CDCA7L: variants seen among roughly 807,000 people sequenced by gnomAD.
CDCA7L encodes the protein cell division cycle associated 7 like.
In CDCA7L, 44 loss-of-function variants were observed where a neutral mutation model predicts 57.4. The observed-to-expected ratio is 0.77, with a 90% CI of 0.60 to 0.98. The LOEUF (loss-of-function observed/expected upper bound fraction) is 0.98, where lower values mean the gene tolerates loss of function less well. Ranked by LOEUF, CDCA7L falls within the 50% of genes least tolerant of loss-of-function variation. The pLI is 0.00. For missense variants in CDCA7L, 644 were observed against 580.6 expected (o/e 1.11, Z -1.12); for synonymous variants, 236 against 202.8 (o/e 1.16, Z -1.39).
At chr7:21,930,175 G>A (rs911383642) in intron 1 of CDCA7L, among the ~76,000 whole-genome samples, 45 of 152,202 alleles carry the variant, frequency 3.0e-4, no homozygotes, top group African/African-American at 4.8e-4. Flanking sequence ...ACTCAAAACC[G>A]CACAACTACA....
At position 21,900,963 on chromosome 7, in the gene CDCA7L, T is replaced by C. The variant is rs774696996; in HGVS notation, c.*1359A>G. On this transcript the variant is annotated 3_prime_UTR_variant, in exon 10 of 10. Coordinates refer to ENST00000406877, the MANE Select transcript of CDCA7L (RefSeq NM_018719.5). ...CAACTTACTTGATCATTATCATTAG[T>C]AGCAAGCTGCCACACAATTGCAACC... 1 of 1,523,618 alleles carries C rather than the reference T, an allele frequency of 6.6e-7. No homozygotes were observed. The highest frequency in any genetic ancestry group is 2.2e-5 in the Admixed American group (1 of 46,388). 94.4% of individuals were successfully genotyped at this position (1,523,618 alleles called of 1,614,324 possible).
Position 21,903,222 on chromosome 7 carries a change from C to G in CDCA7L, c.1198-108G>C, listed in dbSNP as rs940117939. ...GCTGGCCTCTCCTCCAACCTTTAAT[C>G]ACATGGCATCTTTCAGTCTACGTCC... On this transcript the variant is annotated intron_variant, in intron 8 of 9. Transcript: ENST00000406877. The G allele has an allele frequency of 3.8e-6, 4 of 1,041,760 alleles. No homozygotes were observed. The African/African-American group carries it at 6.4e-5, about 17-fold the overall frequency. 64.5% of individuals were successfully genotyped at this position (1,041,760 alleles called of 1,614,324 possible).
intron 9 of CDCA7L, 143 bp from the exon 10 acceptor site, chr7:21,902,495 C>T (rs1784948515): frequency 2.6e-6 from 2 of 783,348 alleles, no homozygotes; most frequent in Non-Finnish European, 4.4e-6. Flanking sequence ...ATTTATGCAT[C>T]AATATCCGTA....
At chr7:21,945,420 A>C (rs1007557413) in intron 1 of CDCA7L, among the ~76,000 whole-genome samples, 1 of 151,654 alleles carries the variant, frequency 6.6e-6, no homozygotes, top group African/African-American at 2.4e-5. Flanking sequence ...TTCCCGGAGA[A>C]AGTGTGGGGA....
At chr7:21,918,377 C>G (rs180940472) in intron 1 of CDCA7L, among the ~76,000 whole-genome samples, 1 of 152,314 alleles carries the variant, frequency 6.6e-6, no homozygotes, top group African/African-American at 2.4e-5. Flanking sequence ...TATCATGTCA[C>G]TCTGTATCAT....
In CDCA7L at chr7:21,902,856, T is replaced by C. The variant is rs1317984146; in HGVS notation, c.1334+122A>G. On this transcript the variant is annotated intron_variant, in intron 9 of 9. Transcript: ENST00000406877. ...ATGCAAACAGATACAGAATGGATGG[T>C]ACTCGTGGTTTATATAAGTAAGTAA... is the stretch of plus-strand genomic sequence containing the variant. The C allele has an allele frequency of 1.6e-5, 13 of 814,090 alleles. No individual in the cohort carries two copies. In the Admixed American group the frequency reaches 2.9e-4, roughly 18 times the overall value. 50.4% of individuals were successfully genotyped at this position (814,090 alleles called of 1,614,324 possible).
rs1325154203 is a variant in CDCA7L, at chr7:21,902,039, C to T, written c.*283G>A. ...CTAACTTACTTACCTGAACTTTAAC[C>T]CCACCCCATTTAAACTGTGCTTTTT... On this transcript the variant is annotated 3_prime_UTR_variant, in exon 10 of 10. Coordinates refer to ENST00000406877, the MANE Select transcript of CDCA7L (RefSeq NM_018719.5). 4.6e-6 allele frequency: 2 copies of T among 436,984 alleles called. No homozygotes were observed. Among genetic ancestry groups the T allele is most frequent in the South Asian group, 3.2e-5 (1 of 31,682 alleles). 27.1% of individuals were successfully genotyped at this position (436,984 alleles called of 1,614,324 possible).
At position 21,905,429 on chromosome 7, in the gene CDCA7L, A is replaced by G. The variant is rs117785315; in HGVS notation, c.1047+77T>C. 4.0e-6 allele frequency: 6 copies of G among 1,495,950 alleles called. 1 individual carries two copies. Among genetic ancestry groups the G allele is most frequent in the African/African-American group, 2.8e-5 (2 of 72,698 alleles). The allele number at this position is 1,495,950 out of a possible 1,614,324, so 92.7% of individuals were successfully genotyped here. On this transcript the variant is annotated intron_variant, in intron 7 of 9. Coordinates refer to ENST00000406877, the MANE Select transcript of CDCA7L (RefSeq NM_018719.5). ...TTGGTGAGATGGCATAAGCCCTGAT[A>G]GAGTTTAAAAACAAGTGAGATTTCA...
At chr7:21,914,103 G>A (rs1431013496) in intron 2 of CDCA7L, among the ~76,000 whole-genome samples, 1 of 152,182 alleles carries the variant, frequency 6.6e-6, no homozygotes, top group Non-Finnish European at 1.5e-5. Flanking sequence ...AGCTAACATA[G>A]GTGGATAAAC....
chr7:21,940,726 C>G (rs970908573), intron 1 of CDCA7L, among the ~76,000 whole-genome samples: 3 of 152,252 alleles, frequency 2.0e-5, no homozygotes, highest in African/African-American at 4.8e-5. Flanking sequence ...AATGTGGGCG[C>G]TGTGGATGGG....
chr7:21,930,327 G>T (rs957600694), intron 1 of CDCA7L, among the ~76,000 whole-genome samples: 4 of 152,120 alleles, frequency 2.6e-5, no homozygotes, highest in African/African-American at 4.8e-5. Flanking sequence ...TGTTGAGAGG[G>T]AAATTTATAG....
chr7:21,916,966 G>T, intron 1 of CDCA7L, 72 bp from the exon 2 acceptor site: 1 of 1,562,828 alleles, frequency 6.4e-7, no homozygotes, highest in South Asian at 1.1e-5. Context: ...TTTTCTGGAG[G>T]GGAGGAGAGA....
chr7:21,945,890 G>C lies in CDCA7L; in HGVS notation c.-86C>G, dbSNP rs887845189. The C allele has an allele frequency of 3.5e-5, 50 of 1,439,050 alleles. No homozygotes were observed. Among genetic ancestry groups the C allele is most frequent in the African/African-American group, 3.4e-4 (23 of 67,072 alleles). 89.1% of individuals were successfully genotyped at this position (1,439,050 alleles called of 1,614,324 possible). On this transcript the variant is annotated 5_prime_UTR_variant, in exon 1 of 10. Transcript: ENST00000406877. ...CGGCCCGGCGCACCAAGAACGCCCC[G>C]CGCCCGAGCAGCTAGCGCGCTCCGC...
chr7:21,904,165 C>A lies in CDCA7L; in HGVS notation c.1142G>T (p.Gly381Val). The change falls in exon 8 of 10, where the codon GGA becomes GTA. Residue 381 changes from glycine to valine, a missense_variant. By Grantham distance (109) the Gly-to-Val change is moderately radical. Transcript: ENST00000406877. ...CCCATAGCGGTTCCGCAGGCATGGT[C>A]CACAGAACTGTCCTCGCACACCACA... ...GCCGVRGQFC[G>V]PCLRNRYGED... 6.2e-7 allele frequency: 1 copy of A among 1,613,738 alleles called. No individual in the cohort carries two copies. Among genetic ancestry groups the A allele is most frequent in the Non-Finnish European group, 8.5e-7 (1 of 1,179,812 alleles).
intron 1 of CDCA7L, among the ~76,000 whole-genome samples, chr7:21,920,731 T>G (rs1053759927): frequency 6.6e-6 from 1 of 152,246 alleles, no homozygotes; most frequent in Non-Finnish European, 1.5e-5. Context: ...TGCCACCTTA[T>G]CTTTTCAAAG....
chr7:21,906,378 G>A lies in CDCA7L; in HGVS notation c.832C>T (p.Pro278Ser), dbSNP rs1337148711. The A allele has an allele frequency of 1.2e-6, 2 of 1,613,608 alleles. No homozygotes were observed. The highest frequency in any genetic ancestry group is 2.7e-5 in the African/African-American group (2 of 74,878). Residue 278 changes from proline (P) to serine (S), a missense_variant, in exon 6 of 10, where the codon CCT becomes TCT. Pro to Ser is a moderately conservative substitution (Grantham distance 74, BLOSUM62 -1). Transcript: ENST00000406877. The part of the protein sequence containing the change: ...RMNPTRSARP[P>S]EKFALENFTV... ...AAGTTCTCTAGAGCAAACTTCTCAG[G>A]AGGCCGCGCACTCCGGGTTGGGTTC...
Position 21,908,164 on chromosome 7 carries a change from T to A in CDCA7L, c.647A>T (p.Lys216Ile). The change falls in exon 4 of 10, where the codon AAA becomes ATA. Residue 216 changes from lysine to isoleucine, a missense_variant. Lys to Ile is a moderately radical substitution (Grantham distance 102). Transcript: ENST00000406877. ...GTTCTCCTTGATGTTCATGGTCCTT[T>A]TCAGCAAAGCATCTGAACTCTCCTG... ...ESQESSDALL[K>I]RTMNIKENKA... 1 of 1,579,752 alleles carries A rather than the reference T, an allele frequency of 6.3e-7. No individual in the cohort carries two copies. Among genetic ancestry groups the A allele is most frequent in the Non-Finnish European group, 8.5e-7 (1 of 1,171,048 alleles).
rs1784881821 is a variant in CDCA7L at position 21,901,810 on chromosome 7, TTAA to T, written c.*509_*511del. ...TGGTCCCCTTTTGTTCAGTCAAGTTTTAATAAAAATAAAACTGTTCTACAGTTA... is the reference window on the plus strand; with the variant it reads ...TGGTCCCCTTTTGTTCAGTCAAGTTTTAAAAATAAAACTGTTCTACAGTTA... On this transcript the variant is annotated 3_prime_UTR_variant, in exon 10 of 10. Coordinates refer to ENST00000406877, the MANE Select transcript of CDCA7L (RefSeq NM_018719.5). 1 of 164,130 alleles carries T rather than the reference TTAA, an allele frequency of 6.1e-6. No homozygotes were observed. The highest frequency in any genetic ancestry group is 1.3e-5 in the Non-Finnish European group (1 of 74,744). The allele number at this position is 164,130 out of a possible 1,614,324, so 10.2% of individuals were successfully genotyped here. A position where few individuals can be genotyped will look rare whatever the true frequency, so the allele number is the denominator to read the frequency against.
chr7:21,941,892 A>G (rs1473811685), intron 1 of CDCA7L, among the ~76,000 whole-genome samples: 1 of 152,194 alleles, frequency 6.6e-6, no homozygotes, highest in East Asian at 1.9e-4. Context: ...TGGGGGCAAA[A>G]AAGGATGGCT....
Sources: gnomAD v4.1 joint callset for allele counts (sites outside exome capture counted in the v4.1 genomes callset) on GRCh38, gnomAD v4.1.1 for gene constraint, MANE v1.5 for transcripts, NCBI Gene and HGNC (gene_info 2026-07-23, HGNC 2026-07-21) for gene names.